Variants in CEP85L observed in about 807,000 individuals in gnomAD.
The protein encoded by CEP85L is centrosomal protein 85L.
A neutral mutation model predicts 100.3 loss-of-function variants in CEP85L; 60 were observed. That is an observed-to-expected ratio of 0.60 (90% CI 0.49 to 0.74). CEP85L has a LOEUF of 0.74. Ranked by LOEUF, CEP85L falls within the 30% of genes least tolerant of loss-of-function variation. The probability of loss-of-function intolerance (pLI) is 0.00; values close to 1 mark genes in which losing one functional copy is unlikely to be tolerated. For synonymous variants in CEP85L, 319 were observed against 322.7 expected, an observed-to-expected ratio of 0.99 and a Z score of 0.12; for missense variants, 973 against 936.2, an observed-to-expected ratio of 1.04 and a Z score of -0.51.
At chr6:118,511,455 T>C (rs749271295) in intron 4 of CEP85L, 40 bp from the exon 5 acceptor site, 1 of 1,306,622 alleles carries the variant, frequency 7.7e-7, no homozygotes, top group Admixed American at 1.7e-5. Context: ...GAGTTATAAT[T>C]TTCTAATAGT....
At chr6:118,544,254 G>A (rs1778071863) in intron 3 of CEP85L, among the ~76,000 whole-genome samples, 1 of 152,138 alleles carries the variant, frequency 6.6e-6, no homozygotes, top group African/African-American at 2.4e-5. Context: ...AGACCTAAGG[G>A]TTGGTTTTTG....
chr6:118,648,697 G>T (rs957201370), intron 1 of CEP85L, among the ~76,000 whole-genome samples: 17 of 147,852 alleles, frequency 1.1e-4, no homozygotes, highest in Non-Finnish European at 2.1e-4. Flanking sequence ...AGCCGAGATC[G>T]CGCCACTACA....
chr6:118,704,847 G>C (rs969967290), intron 1 of CEP85L, among the ~76,000 whole-genome samples: 7 of 152,106 alleles, frequency 4.6e-5, no homozygotes, highest in African/African-American at 1.7e-4. Flanking sequence ...AGCTTCCACT[G>C]CAGATGTTTT....
At chr6:118,495,865 TC>T (rs1473832134) in intron 5 of CEP85L, among the ~76,000 whole-genome samples, 3 of 152,224 alleles carry the variant, frequency 2.0e-5, no homozygotes, top group African/African-American at 7.2e-5. Context: ...TGGTATGCAA[TC>T]CAGGTTGAAA....
chr6:118,526,213 T>G (rs1410448043), intron 3 of CEP85L, among the ~76,000 whole-genome samples: 1 of 152,224 alleles, frequency 6.6e-6, no homozygotes, highest in Non-Finnish European at 1.5e-5. Flanking sequence ...TATGCATCAG[T>G]ACAGATAATG....
intron 2 of CEP85L, among the ~76,000 whole-genome samples, chr6:118,630,589 T>A (rs2115315190): frequency 6.6e-6 from 1 of 152,324 alleles, no homozygotes; most frequent in South Asian, 2.1e-4. Context: ...GACAATGGGA[T>A]ATTACTCAGC....
At chr6:118,647,097 C>T in intron 1 of CEP85L, 2 of 983,300 alleles carry the variant, frequency 2.0e-6, no homozygotes, top group Middle Eastern at 1.0e-3. Context: ...TCATTGTTAC[C>T]ACAGTATTCC....
intron 6 of CEP85L, among the ~76,000 whole-genome samples, chr6:118,486,075 G>A (rs1176200233): frequency 6.6e-6 from 1 of 152,136 alleles, no homozygotes; most frequent in Admixed American, 6.6e-5. Context: ...ACTCTCCTAC[G>A]AGACACTGTC....
intron 2 of CEP85L, among the ~76,000 whole-genome samples, chr6:118,581,321 TA>T (rs1281643367): frequency 6.6e-6 from 1 of 152,132 alleles, no homozygotes; most frequent in East Asian, 1.9e-4. Context: ...TTTCTAAGGG[TA>T]AATGCTTTAG....
intron 1 of CEP85L, among the ~76,000 whole-genome samples, chr6:118,677,871 G>A (rs1411296296): frequency 6.6e-6 from 1 of 152,130 alleles, no homozygotes; most frequent in Non-Finnish European, 1.5e-5. Flanking sequence ...CTACCCCACT[G>A]TGGATGGATT....
intron 1 of CEP85L, among the ~76,000 whole-genome samples, chr6:118,704,393 T>C (rs996318723): frequency 3.3e-5 from 5 of 151,982 alleles, no homozygotes; most frequent in Non-Finnish European, 5.9e-5. Flanking sequence ...TGGCCTGGGG[T>C]TTGTTCTGGG....
intron 4 of CEP85L, among the ~76,000 whole-genome samples, chr6:118,516,823 T>C (rs1776309768): frequency 6.6e-6 from 1 of 152,226 alleles, no homozygotes; most frequent in Non-Finnish European, 1.5e-5. Context: ...CCTTTGCCCA[T>C]GCCTATGTCC....
intron 3 of CEP85L, among the ~76,000 whole-genome samples, chr6:118,556,180 T>A (rs1399541699): frequency 2.0e-5 from 3 of 152,234 alleles, no homozygotes; most frequent in Admixed American, 6.5e-5. Flanking sequence ...ATGGGATTGT[T>A]GGGTCGAATG....
chr6:118,680,844 C>T (rs1022703992), intron 1 of CEP85L, among the ~76,000 whole-genome samples: 1 of 151,392 alleles, frequency 6.6e-6, no homozygotes, highest in Non-Finnish European at 1.5e-5. Flanking sequence ...CCTCTGCACT[C>T]CAGCCTGGGC....
At chr6:118,677,402 T>C (rs1284516739) in intron 1 of CEP85L, among the ~76,000 whole-genome samples, 1 of 152,202 alleles carries the variant, frequency 6.6e-6, no homozygotes, top group Non-Finnish European at 1.5e-5. Context: ...GTCATTATTT[T>C]GTCTGGCTGC....
At chr6:118,696,594 G>C (rs146803110) in intron 1 of CEP85L, among the ~76,000 whole-genome samples, 47 of 152,320 alleles carry the variant, frequency 3.1e-4, no homozygotes, top group African/African-American at 1.1e-3. Flanking sequence ...CGTTGAGTGA[G>C]CCCCAGGATC....
At chr6:118,477,234 GA>G (rs1303482699) in intron 10 of CEP85L, among the ~76,000 whole-genome samples, 15 of 152,036 alleles carry the variant, frequency 9.9e-5, no homozygotes, top group Non-Finnish European at 1.5e-5. Flanking sequence ...CTTGACAGCT[GA>G]AAAAAACAGT....
chr6:118,494,924 G>A (rs1319038268), intron 5 of CEP85L, among the ~76,000 whole-genome samples: 5 of 152,084 alleles, frequency 3.3e-5, no homozygotes, highest in African/African-American at 1.2e-4. Context: ...AGAAAATGTA[G>A]ACAGTATACA....
At chr6:118,599,120 C>T (rs1781595651) in intron 2 of CEP85L, among the ~76,000 whole-genome samples, 1 of 152,142 alleles carries the variant, frequency 6.6e-6, no homozygotes, top group Non-Finnish European at 1.5e-5. Context: ...GCAATGACAA[C>T]CCAATAATAA....
Sources: gnomAD v4.1 joint callset for allele counts (sites outside exome capture counted in the v4.1 genomes callset) on GRCh38, gnomAD v4.1.1 for gene constraint, MANE v1.5 for transcripts, NCBI Gene and HGNC (gene_info 2026-07-23, HGNC 2026-07-21) for gene names.